GALNT11: variants seen among roughly 807,000 people sequenced by gnomAD.
The protein encoded by GALNT11 is UDP-GalNAc:polypeptide N-acetylgalactosaminyltransferase 11.
Under a neutral mutation model 72.7 loss-of-function variants are expected in GALNT11, and 47 were observed. The observed-to-expected ratio is 0.65, with a 90% confidence interval of 0.51 to 0.82. The LOEUF (loss-of-function observed/expected upper bound fraction) is 0.82, where lower values mean the gene tolerates loss of function less well. Ranked by LOEUF, GALNT11 falls within the 40% of genes least tolerant of loss-of-function variation. The probability of loss-of-function intolerance (pLI) is 0.00; values close to 1 mark genes in which losing one functional copy is unlikely to be tolerated. For synonymous variants in GALNT11, 270 were observed against 286.6 expected, an observed-to-expected ratio of 0.94 and a Z score of 0.58; for missense variants, 677 against 778.4, an observed-to-expected ratio of 0.87 and a Z score of 1.55.
At position 152,107,866 on chromosome 7, in the gene GALNT11, C is replaced by T. The variant is rs12333827; in HGVS notation, c.713-172C>T. On this transcript the variant is annotated intron_variant, in intron 5 of 11. Transcript: ENST00000430044. ...GCACGCAGCATTACTGGCTGAGGGA[C>T]GTCCTTGTTGACCACCGGCAGTGAA... 2.7e-3 allele frequency: 1,789 copies of T among 658,350 alleles called. 26 individuals are homozygous for T. In the African/African-American group the frequency reaches 0.029, roughly 11 times the overall value. 40.8% of individuals were successfully genotyped at this position (658,350 alleles called of 1,614,324 possible). A position where few individuals can be genotyped will look rare whatever the true frequency, so the allele number is the denominator to read the frequency against.
intron 9 of GALNT11, chr7:152,117,715 C>T (rs2089019564): frequency 3.6e-6 from 1 of 278,910 alleles, no homozygotes; most frequent in Admixed American, 5.0e-5. Flanking sequence ...AGAAATGGGG[C>T]AGTGATCTGC....
chr7:152,111,644 A>ATATATATAT (rs201303779), intron 7 of GALNT11, among the ~76,000 whole-genome samples: 2 of 139,210 alleles, frequency 1.4e-5, no homozygotes, highest in African/African-American at 5.4e-5. Context: ...ATATATATAT[A>ATATATATAT]TTTTTTTAAA....
intron 1 of GALNT11, among the ~76,000 whole-genome samples, chr7:152,036,688 A>G (rs2082596361): frequency 6.6e-6 from 1 of 152,190 alleles, no homozygotes; most frequent in Admixed American, 6.5e-5. Context: ...TGCTTGTACT[A>G]ATTTACATTC....
chr7:152,067,035 A>G (rs1484849906), intron 1 of GALNT11, among the ~76,000 whole-genome samples: 1 of 152,222 alleles, frequency 6.6e-6, no homozygotes, highest in Non-Finnish European at 1.5e-5. Context: ...CAAACAAACA[A>G]AAACCACAAC....
chr7:152,114,085 G>A (rs2088582612), intron 8 of GALNT11, among the ~76,000 whole-genome samples: 1 of 151,854 alleles, frequency 6.6e-6, no homozygotes, highest in Middle Eastern at 3.4e-3. Flanking sequence ...TTTACTCATT[G>A]GACTTCGTGG....
intron 1 of GALNT11, among the ~76,000 whole-genome samples, chr7:152,053,275 T>C (rs1379487964): frequency 6.6e-6 from 1 of 152,184 alleles, no homozygotes; most frequent in Admixed American, 6.5e-5. Flanking sequence ...TTAATTACCT[T>C]CCAGTAACCT....
chr7:152,120,668 C>G, intron 10 of GALNT11, 163 bp from the exon 11 acceptor site: 1 of 625,166 alleles, frequency 1.6e-6, no homozygotes, highest in Non-Finnish European at 2.8e-6. Context: ...CCTTAGCTAT[C>G]TGAAGTGGAA....
At chr7:152,049,894 C>T (rs1056521739) in intron 1 of GALNT11, among the ~76,000 whole-genome samples, 8 of 152,100 alleles carry the variant, frequency 5.3e-5, no homozygotes, top group Non-Finnish European at 1.2e-4. Flanking sequence ...TGCCACTGTC[C>T]TAGGTTCATG....
chr7:152,096,533 G>A (rs988915996), intron 2 of GALNT11, among the ~76,000 whole-genome samples: 4 of 151,964 alleles, frequency 2.6e-5, no homozygotes, highest in Non-Finnish European at 5.9e-5. Context: ...CCTGACCAAC[G>A]TGGCGAAACC....
rs557126348 is a variant in GALNT11, at chr7:152,065,618, C to T, written c.-38-28572C>T. 3.9e-5 allele frequency among the ~76,000 whole-genome samples: 6 copies of T among 152,226 alleles called. No individual in the cohort carries two copies. The South Asian group carries it at 1.0e-3, about 26-fold the overall frequency. Reference sequence around the variant, plus strand: ...TGATGGTGACGTACAGATGGGATTTCGGTGTGAATGTCCTTTCTGTTTGTT... The same window carrying T: ...TGATGGTGACGTACAGATGGGATTTTGGTGTGAATGTCCTTTCTGTTTGTT... On this transcript the variant is annotated intron_variant, in intron 1 of 11. Coordinates refer to ENST00000430044, the MANE Select transcript of GALNT11 (RefSeq NM_022087.4).
chr7:152,100,897 A>G lies in GALNT11; in HGVS notation c.395A>G (p.Asp132Gly). The G allele has an allele frequency of 6.2e-7, 1 of 1,614,058 alleles. No homozygotes were observed. The highest frequency in any genetic ancestry group is 8.5e-7 in the Non-Finnish European group (1 of 1,179,972). The change falls in exon 3 of 12, where the codon GAT becomes GGT. Residue 132 changes from aspartate to glycine, a missense_variant. Coordinates refer to ENST00000430044, the MANE Select transcript of GALNT11 (RefSeq NM_022087.4). The stretch of plus-strand genomic sequence containing the variant: ...AGTGACCGCTTGGGCTACCACAGAG[A>G]TGTGCCAGACACAAGGAATGCAGCG... ...LISDRLGYHR[D>G]VPDTRNAACK... is the part of the protein sequence containing the mutation.
intron 9 of GALNT11, 74 bp downstream of exon 9, chr7:152,117,449 A>G (rs1426921098): frequency 1.4e-6 from 2 of 1,392,742 alleles, no homozygotes; most frequent in East Asian, 4.6e-5. Context: ...TCCATAAGCT[A>G]TGACAGGTGA....
intron 8 of GALNT11, among the ~76,000 whole-genome samples, chr7:152,116,326 C>G (rs1360552622): frequency 1.3e-5 from 2 of 152,174 alleles, no homozygotes; most frequent in Non-Finnish European, 2.9e-5. Context: ...TCTCAATTCA[C>G]TGCAACCTCC....
chr7:152,036,751 T>G (rs915509630), intron 1 of GALNT11, among the ~76,000 whole-genome samples: 1 of 152,200 alleles, frequency 6.6e-6, no homozygotes, highest in Non-Finnish European at 1.5e-5. Flanking sequence ...CCATCATTCA[T>G]TATTGCCTGT....
At chr7:152,070,646 A>G (rs1272905872) in intron 1 of GALNT11, among the ~76,000 whole-genome samples, 1 of 152,176 alleles carries the variant, frequency 6.6e-6, no homozygotes, top group African/African-American at 2.4e-5. Context: ...CCTTGTAATT[A>G]TATTGGGTCT....
intron 1 of GALNT11, among the ~76,000 whole-genome samples, chr7:152,038,871 A>G (rs922170734): frequency 2.0e-5 from 3 of 152,202 alleles, no homozygotes; most frequent in Admixed American, 6.5e-5. Flanking sequence ...GATGCTTTAA[A>G]TATTTGTTCT....
At chr7:152,108,987 ATT>A (rs1353110037) in intron 6 of GALNT11, among the ~76,000 whole-genome samples, 1 of 150,406 alleles carries the variant, frequency 6.6e-6, no homozygotes, top group Non-Finnish European at 1.5e-5. Context: ...TTTATTTGTT[ATT>A]GTTATTATGT....
intron 1 of GALNT11, among the ~76,000 whole-genome samples, chr7:152,048,642 G>A (rs1169300882): frequency 1.3e-5 from 2 of 151,438 alleles, no homozygotes; most frequent in African/African-American, 2.4e-5. Context: ...CCATTGTCCT[G>A]CCTCAGCCTC....
intron 1 of GALNT11, among the ~76,000 whole-genome samples, chr7:152,048,831 C>T (rs550768805): frequency 1.3e-5 from 2 of 151,630 alleles, no homozygotes; most frequent in Non-Finnish European, 2.9e-5. Flanking sequence ...TCTTTTGTCT[C>T]TTCTGACTCT....
Sources: gnomAD v4.1 joint callset for allele counts (sites outside exome capture counted in the v4.1 genomes callset) on GRCh38, gnomAD v4.1.1 for gene constraint, MANE v1.5 for transcripts, NCBI Gene and HGNC (gene_info 2026-07-23, HGNC 2026-07-21) for gene names.